SHISA9: variants seen among roughly 807,000 people sequenced by gnomAD.
SHISA9 encodes shisa family member 9.
In SHISA9, 13 loss-of-function variants were observed where a neutral mutation model predicts 38.0. That is an observed-to-expected ratio of 0.34 (90% CI 0.22 to 0.54). SHISA9 has a LOEUF of 0.54. SHISA9 is among the 20% of genes least tolerant of loss of function. SHISA9 has a pLI of 0.91. For synonymous variants in SHISA9, 275 were observed against 242.0 expected, an observed-to-expected ratio of 1.14 and a Z score of -1.27; for missense variants, 538 against 575.8, an observed-to-expected ratio of 0.93 and a Z score of 0.67.
intron 2 of SHISA9, among the ~76,000 whole-genome samples, chr16:13,114,879 C>G (rs913788177): frequency 1.3e-5 from 2 of 151,580 alleles, no homozygotes; most frequent in Admixed American, 6.6e-5. Flanking sequence ...ATGTTTATAA[C>G]TAGCTAAGTA....
chr16:12,935,766 T>G (rs1402676451), intron 2 of SHISA9, among the ~76,000 whole-genome samples: 1 of 151,166 alleles, frequency 6.6e-6, no homozygotes, highest in Non-Finnish European at 1.5e-5. Context: ...GAAGATTACT[T>G]GAACCTGGGG....
the SHISA9 span, chr16:13,331,970 C>A: frequency 1.3e-5 from 2 of 152,048 alleles, no homozygotes; most frequent in South Asian, 4.2e-4. Flanking sequence ...GGTCCTGGAC[C>A]AGTGGTCTCT....
intron 2 of SHISA9, among the ~76,000 whole-genome samples, chr16:13,170,627 A>C (rs747372251): frequency 7.2e-5 from 11 of 152,144 alleles, no homozygotes; most frequent in African/African-American, 9.7e-5. Flanking sequence ...CTGCACATGT[A>C]CCCCTGAATT....
At chr16:12,970,787 G>C (rs923967897) in intron 2 of SHISA9, among the ~76,000 whole-genome samples, 1 of 151,772 alleles carries the variant, frequency 6.6e-6, no homozygotes, top group Non-Finnish European at 1.5e-5. Flanking sequence ...GCCTCCCAGA[G>C]TGCTGGGATT....
At chr16:12,975,450 C>G (rs1459945735) in intron 2 of SHISA9, among the ~76,000 whole-genome samples, 1 of 151,996 alleles carries the variant, frequency 6.6e-6, no homozygotes, top group South Asian at 2.1e-4. Flanking sequence ...TTGCAGTGAG[C>G]TGAGATTGCG....
At chr16:13,260,007 C>CTTTCTTTTTTTTTT in the SHISA9 span, among the ~76,000 whole-genome samples, 20 of 60,448 alleles carry the variant, frequency 3.3e-4, no homozygotes, top group Non-Finnish European at 3.2e-4. Flanking sequence ...TTCTTTCTTT[C>CTTTCTTTTTTTTTT]TTTTTTTTTT....
At chr16:13,003,391 A>G (rs2141843764) in intron 2 of SHISA9, among the ~76,000 whole-genome samples, 1 of 152,252 alleles carries the variant, frequency 6.6e-6, no homozygotes, top group South Asian at 2.1e-4. Flanking sequence ...ACTCTCCTAC[A>G]CTGTTTTCCT....
chr16:13,136,443 G>T (rs1314162696), intron 2 of SHISA9, among the ~76,000 whole-genome samples: 1 of 126,042 alleles, frequency 7.9e-6, no homozygotes, highest in Non-Finnish European at 1.6e-5. Flanking sequence ...TTGTTGCCCA[G>T]GCTGGAATGC....
chr16:13,308,370 T>G, the SHISA9 span, among the ~76,000 whole-genome samples: 1 of 152,218 alleles, frequency 6.6e-6, no homozygotes, highest in South Asian at 2.1e-4. Context: ...GACAAGAGAC[T>G]GGCACCCATG....
intron 3 of SHISA9, among the ~76,000 whole-genome samples, chr16:13,210,613 A>G (rs575913211): frequency 4.6e-5 from 7 of 152,182 alleles, no homozygotes; most frequent in Non-Finnish European, 8.8e-5. Context: ...CCTAAAAGCC[A>G]TACATGAGGC....
chr16:13,410,245 C>T, the SHISA9 span, among the ~76,000 whole-genome samples: 1 of 152,106 alleles, frequency 6.6e-6, no homozygotes, highest in Non-Finnish European at 1.5e-5. Flanking sequence ...ATTCTCATGC[C>T]TGAAAATGTT....
At chr16:13,508,343 T>C in the SHISA9 span, among the ~76,000 whole-genome samples, 13 of 152,352 alleles carry the variant, frequency 8.5e-5, no homozygotes, top group Admixed American at 7.8e-4. Context: ...TATTTAACTA[T>C]TCTCCTATTA....
intron 2 of SHISA9, among the ~76,000 whole-genome samples, chr16:13,152,965 G>T (rs2050512677): frequency 2.0e-5 from 3 of 152,148 alleles, no homozygotes; most frequent in Non-Finnish European, 2.9e-5. Flanking sequence ...TTAAATGTAG[G>T]CGAGGTAGGT....
chr16:12,910,766 T>C (rs1203489309), intron 1 of SHISA9: 9 of 969,546 alleles, frequency 9.3e-6, no homozygotes, highest in African/African-American at 1.8e-5. Flanking sequence ...AGAACAAATA[T>C]ACAAAGAGAT....
chr16:13,499,465 T>C, the SHISA9 span, among the ~76,000 whole-genome samples: 1 of 152,280 alleles, frequency 6.6e-6, no homozygotes, highest in African/African-American at 2.4e-5. Context: ...AATAAATACC[T>C]CTACAAATTG....
chr16:13,415,044 T>G, the SHISA9 span, among the ~76,000 whole-genome samples: 2 of 152,174 alleles, frequency 1.3e-5, no homozygotes, highest in African/African-American at 4.8e-5. Flanking sequence ...TGAACACAAT[T>G]CGAACTGTTG....
intron 2 of SHISA9, among the ~76,000 whole-genome samples, chr16:13,062,236 A>G (rs1452517978): frequency 6.6e-6 from 1 of 152,078 alleles, no homozygotes; most frequent in Non-Finnish European, 1.5e-5. Context: ...TTTAAGTGGG[A>G]GTCCTGTGTC....
chr16:13,502,689 A>G, the SHISA9 span, among the ~76,000 whole-genome samples: 2 of 152,234 alleles, frequency 1.3e-5, no homozygotes, highest in Admixed American at 1.3e-4. Flanking sequence ...AGCCTGGCCA[A>G]CATGGTGAAA....
At chr16:13,142,097 C>G (rs1216524262) in intron 2 of SHISA9, among the ~76,000 whole-genome samples, 1 of 152,210 alleles carries the variant, frequency 6.6e-6, no homozygotes, top group Non-Finnish European at 1.5e-5. Context: ...ATTCTAGGAG[C>G]ATTTCTGAGG....
Sources: allele counts gnomAD v4.1 joint callset (sites outside exome capture counted in the v4.1 genomes callset), GRCh38; gene constraint gnomAD v4.1.1; transcripts MANE v1.5; gene names NCBI Gene and HGNC (gene_info 2026-07-23, HGNC 2026-07-21).